Variants in FRMPD4 observed in about 807,000 individuals in gnomAD.
FRMPD4 encodes the protein FERM and PDZ domain containing 4, also known as FERM and PDZ domain-containing protein 4.
A neutral mutation model predicts 94.1 loss-of-function variants in FRMPD4; 22 were observed. The observed-to-expected ratio is 0.23, with a 90% CI of 0.17 to 0.33. The LOEUF (loss-of-function observed/expected upper bound fraction) is 0.33. Among genes scored for constraint, FRMPD4 ranks in the 10% least tolerant of loss-of-function variants. The pLI is 1.00. For missense variants in FRMPD4, 1,111 were observed against 1,339.9 expected, an observed-to-expected ratio of 0.83 and a Z score of 2.67; for synonymous variants, 631 against 548.6, an observed-to-expected ratio of 1.15 and a Z score of -2.10.
intron 1 of FRMPD4, among the ~76,000 whole-genome samples, chrX:12,312,720 G>C (rs1450274323): frequency 9.0e-6 from 1 of 111,632 alleles, no homozygotes; most frequent in East Asian, 2.8e-4. Context: ...CTGGAAGACA[G>C]CATCCTAAGG....
intron 4 of FRMPD4, among the ~76,000 whole-genome samples, chrX:12,668,918 A>G (rs2059810900): frequency 9.0e-6 from 1 of 111,578 alleles, no homozygotes; most frequent in Admixed American, 9.5e-5. Flanking sequence ...AACTACTTTT[A>G]AGATACATAT....
At chrX:11,827,062 T>TTATATATA (rs796566750) in intron 1 of FRMPD4, among the ~76,000 whole-genome samples, 5 of 80,579 alleles carry the variant, frequency 6.2e-5, no homozygotes, top group East Asian at 4.4e-4. Context: ...TAGATGGAAA[T>TTATATATA]TATATATATA....
intron 4 of FRMPD4, among the ~76,000 whole-genome samples, chrX:12,640,302 A>AG (rs2059485051): frequency 9.5e-6 from 1 of 105,719 alleles, no homozygotes; most frequent in Admixed American, 1.0e-4. Context: ...GTCTCAAAAA[A>AG]AAAAAAAAAA....
At position 12,666,526 on chromosome X, in the gene FRMPD4, G is replaced by A. The variant is rs755080915; in HGVS notation, c.423-8337G>A. 4.5e-5 allele frequency among the ~76,000 whole-genome samples: 5 copies of A among 111,510 alleles called. No individual in the cohort carries two copies. The South Asian group carries it at 1.9e-3, about 43-fold the overall frequency. On this transcript the variant is annotated intron_variant, in intron 4 of 16. Transcript: ENST00000675598. ...TTATTCTAAAATTGACCACTTAATT[G>A]GAAGTAAAACACTCCTAAGCAAATG...
intron 1 of FRMPD4, among the ~76,000 whole-genome samples, chrX:12,381,887 G>T (rs1166540936): frequency 9.0e-6 from 1 of 111,657 alleles, no homozygotes; most frequent in East Asian, 2.8e-4. Flanking sequence ...GAACAGGTGG[G>T]GAAGCATGCT....
intron 1 of FRMPD4, among the ~76,000 whole-genome samples, chrX:12,231,030 G>C (rs2407771): frequency 5.3e-4 from 14 of 26,410 alleles, no homozygotes; most frequent in Admixed American, 5.2e-3. Context: ...TATATATATA[G>C]TATATATATA....
chrX:12,364,170 T>C (rs2056039269), intron 1 of FRMPD4, among the ~76,000 whole-genome samples: 1 of 110,684 alleles, frequency 9.0e-6, no homozygotes, highest in African/African-American at 3.3e-5. Flanking sequence ...TTCTAAAATA[T>C]AGTGTATTCA....
chrX:12,298,792 A>G (rs7056842), intron 1 of FRMPD4, among the ~76,000 whole-genome samples: 5,154 of 112,222 alleles, frequency 0.046, 309 homozygotes, highest in African/African-American at 0.16. Flanking sequence ...CATCCAACCT[A>G]AAAGGTGCAT....
chrX:12,472,642 T>C (rs2057528142), intron 1 of FRMPD4, among the ~76,000 whole-genome samples: 1 of 111,993 alleles, frequency 8.9e-6, no homozygotes, highest in Admixed American at 9.5e-5. Flanking sequence ...CGGAAAACCA[T>C]GGCACAAGGA....
chrX:12,421,485 T>C (rs900304222), intron 1 of FRMPD4, among the ~76,000 whole-genome samples: 1 of 111,271 alleles, frequency 9.0e-6, no homozygotes, highest in African/African-American at 3.3e-5. Context: ...AGGCCTGATG[T>C]GGAGGTTTAA....
At chrX:12,510,606 A>G (rs2058033012) in intron 2 of FRMPD4, among the ~76,000 whole-genome samples, 1 of 112,291 alleles carries the variant, frequency 8.9e-6, no homozygotes. Context: ...AATTCTAAAG[A>G]CCAGTTGAAA....
intron 1 of FRMPD4, among the ~76,000 whole-genome samples, chrX:12,332,128 T>C (rs1365278491): frequency 1.4e-5 from 1 of 69,536 alleles, no homozygotes; most frequent in Non-Finnish European, 2.8e-5. Context: ...TTATATTTTA[T>C]ATATTATATA....
intron 1 of FRMPD4, among the ~76,000 whole-genome samples, chrX:12,473,616 G>A (rs1337248608): frequency 7.3e-5 from 8 of 109,246 alleles, no homozygotes; most frequent in Non-Finnish European, 1.1e-4. Flanking sequence ...AGGGATGGAG[G>A]AAGATCTACC....
chrX:12,443,147 A>C, intron 1 of FRMPD4, among the ~76,000 whole-genome samples: 1 of 111,843 alleles, frequency 8.9e-6, no homozygotes. Flanking sequence ...AAGTTTTCTA[A>C]AAATAGAAAG....
At chrX:12,098,483 T>C (rs772339461) in intron 3 of FRMPD4, among the ~76,000 whole-genome samples, 1 of 112,350 alleles carries the variant, frequency 8.9e-6, no homozygotes, top group East Asian at 2.8e-4. Flanking sequence ...CGTGGTCAAA[T>C]AAAGCAGAAG....
chrX:12,224,236 GTTTTA>G (rs2056899107), intron 1 of FRMPD4, among the ~76,000 whole-genome samples: 1 of 111,412 alleles, frequency 9.0e-6, no homozygotes, highest in African/African-American at 3.3e-5. Flanking sequence ...ATTTTGTTTT[GTTTTA>G]TTTTATTTAT....
chrX:12,658,004 C>T (rs192820776), intron 4 of FRMPD4, among the ~76,000 whole-genome samples: 137 of 111,718 alleles, frequency 1.2e-3, no homozygotes, highest in Middle Eastern at 4.6e-3. Flanking sequence ...CCCTGAAAGA[C>T]AGAGGAGTTC....
At chrX:11,954,588 G>C (rs1295393782) in intron 3 of FRMPD4, among the ~76,000 whole-genome samples, 1 of 111,564 alleles carries the variant, frequency 9.0e-6, no homozygotes, top group Non-Finnish European at 1.9e-5. Flanking sequence ...GAAGTAAGGA[G>C]GGAAAAAGGT....
chrX:12,545,533 G>A (rs140930528), intron 2 of FRMPD4, among the ~76,000 whole-genome samples: 2,266 of 112,787 alleles, frequency 0.02, 45 homozygotes, highest in African/African-American at 0.067. Context: ...CATGAACCAA[G>A]TACAAAAAGA....
Sources: gnomAD v4.1 joint callset for allele counts (sites outside exome capture counted in the v4.1 genomes callset) on GRCh38, gnomAD v4.1.1 for gene constraint, MANE v1.5 for transcripts, NCBI Gene and HGNC (gene_info 2026-07-23, HGNC 2026-07-21) for gene names.